The following PKIB variants were observed in gnomAD, a reference collection of about 807,000 sequenced individuals.
PKIB encodes the protein cAMP-dependent protein kinase inhibitor beta, also known as PKI-beta.
Under a neutral mutation model 4.5 loss-of-function variants are expected in PKIB, and 2 were observed. The observed-to-expected ratio is 0.44, with a 90% CI of 0.18 to 1.39. PKIB has a LOEUF of 1.39. Ranked by LOEUF, PKIB falls within the 40% of genes most tolerant of loss-of-function variation. The pLI, the probability that PKIB is intolerant of heterozygous loss-of-function variation, is 0.27. For synonymous variants in PKIB, 38 were observed against 36.0 expected, an observed-to-expected ratio of 1.06 and a Z score of -0.20; for missense variants, 94 against 92.6, an observed-to-expected ratio of 1.02 and a Z score of -0.06.
At chr6:122,519,420 T>C (rs1776866978) in intron 2 of PKIB, among the ~76,000 whole-genome samples, 1 of 152,114 alleles carries the variant, frequency 6.6e-6, no homozygotes, top group African/African-American at 2.4e-5. Flanking sequence ...ATAAATGTAA[T>C]GCACTTGCAT....
chr6:122,665,007 C>A (rs1203920569), intron 2 of PKIB, among the ~76,000 whole-genome samples: 1 of 152,062 alleles, frequency 6.6e-6, no homozygotes, highest in African/African-American at 2.4e-5. Flanking sequence ...GAATGGCAGC[C>A]ATGAAGTATA....
At chr6:122,482,793 T>C (rs557528) in intron 2 of PKIB, 106,564 of 151,360 alleles carry the variant, frequency 0.7, 37,616 homozygotes, top group South Asian at 0.78. Flanking sequence ...TCGTGATCTG[T>C]CTTCCTTGCT....
At chr6:122,604,948 CTTACT>C in intron 3 of PKIB, among the ~76,000 whole-genome samples, 1 of 152,322 alleles carries the variant, frequency 6.6e-6, no homozygotes, top group East Asian at 1.9e-4. Context: ...CCTTCTGCTT[CTTACT>C]TTATAGACTC....
intron 2 of PKIB, among the ~76,000 whole-genome samples, chr6:122,517,241 C>G (rs1308586745): frequency 1.3e-5 from 2 of 152,120 alleles, no homozygotes; most frequent in Admixed American, 1.3e-4. Context: ...TTTCAGTACC[C>G]TAGAAGCTTC....
At chr6:122,530,457 T>A (rs1242628924) in intron 2 of PKIB, among the ~76,000 whole-genome samples, 1 of 152,150 alleles carries the variant, frequency 6.6e-6, no homozygotes, top group East Asian at 1.9e-4. Flanking sequence ...TTCTGGAGTT[T>A]GTTCCTTTGA....
intron 2 of PKIB, among the ~76,000 whole-genome samples, chr6:122,649,548 T>C (rs948302393): frequency 6.6e-6 from 1 of 152,164 alleles, no homozygotes; most frequent in Non-Finnish European, 1.5e-5. Context: ...GACCATGGGA[T>C]TTGGGCCACT....
chr6:122,588,996 A>G (rs992264824), intron 3 of PKIB, among the ~76,000 whole-genome samples: 2 of 152,270 alleles, frequency 1.3e-5, no homozygotes, highest in Non-Finnish European at 2.9e-5. Flanking sequence ...ACTCTAGACT[A>G]CAGGATTGAA....
intron 2 of PKIB, among the ~76,000 whole-genome samples, chr6:122,668,285 A>C (rs1017568977): frequency 1.3e-5 from 2 of 152,204 alleles, no homozygotes; most frequent in Non-Finnish European, 2.9e-5. Context: ...CACTAAAAAC[A>C]ACAGTGAAAC....
At chr6:122,708,474 A>G (rs1582833550) in intron 3 of PKIB, among the ~76,000 whole-genome samples, 1 of 152,122 alleles carries the variant, frequency 6.6e-6, no homozygotes, top group African/African-American at 2.4e-5. Flanking sequence ...AAATCTTCCT[A>G]TGGGCAGTGT....
At chr6:122,715,098 T>C (rs1041263086) in intron 3 of PKIB, among the ~76,000 whole-genome samples, 1 of 151,764 alleles carries the variant, frequency 6.6e-6, no homozygotes, top group South Asian at 2.1e-4. Context: ...AAAAAAAATA[T>C]TTAAAAAAAA....
At chr6:122,488,385 A>G (rs1378371430) in intron 2 of PKIB, among the ~76,000 whole-genome samples, 2 of 152,026 alleles carry the variant, frequency 1.3e-5, no homozygotes, top group African/African-American at 2.4e-5. Context: ...TAGAAGCTGA[A>G]TACTGTCTTT....
At chr6:122,635,102 T>C (rs755714294) in intron 2 of PKIB, among the ~76,000 whole-genome samples, 1 of 146,908 alleles carries the variant, frequency 6.8e-6, no homozygotes, top group Non-Finnish European at 1.5e-5. Context: ...ACGAATTAAT[T>C]TTGTACTTAA....
At chr6:122,693,365 T>G (rs7767580) in intron 3 of PKIB, among the ~76,000 whole-genome samples, 34,341 of 152,186 alleles carry the variant, frequency 0.23, 4,318 homozygotes, top group Non-Finnish European at 0.26. Flanking sequence ...ATTTGCAAAT[T>G]ATGACAAGCT....
intron 2 of PKIB, among the ~76,000 whole-genome samples, chr6:122,579,009 C>T (rs935252706): frequency 2.0e-5 from 3 of 152,160 alleles, no homozygotes; most frequent in African/African-American, 7.2e-5. Context: ...CCCAGCCATG[C>T]TGAACTGTGA....
chr6:122,538,548 T>C (rs1212919423), intron 2 of PKIB, among the ~76,000 whole-genome samples: 1 of 152,130 alleles, frequency 6.6e-6, no homozygotes, highest in Non-Finnish European at 1.5e-5. Flanking sequence ...ATCTCTGTTT[T>C]GGTACCAGTA....
chr6:122,701,272 G>A (rs963117405), intron 3 of PKIB: 15 of 558,040 alleles, frequency 2.7e-5, no homozygotes, highest in South Asian at 1.6e-4. Context: ...CTGCCTCTGC[G>A]CCTGTTCCAT....
At chr6:122,705,564 CTTTTTT>C (rs142542177) in intron 3 of PKIB, among the ~76,000 whole-genome samples, 1 of 113,438 alleles carries the variant, frequency 8.8e-6, no homozygotes. Context: ...GAAAGCGCAT[CTTTTTT>C]TTTTTTTTTT....
intron 2 of PKIB, among the ~76,000 whole-genome samples, chr6:122,534,212 A>T (rs1777339637): frequency 1.3e-5 from 2 of 150,806 alleles, no homozygotes; most frequent in Non-Finnish European, 2.9e-5. Flanking sequence ...CAACCTTACA[A>T]TCACCCCAGT....
intron 1 of PKIB, among the ~76,000 whole-genome samples, chr6:122,475,987 G>T (rs893877524): frequency 6.6e-6 from 1 of 151,994 alleles, no homozygotes; most frequent in African/African-American, 2.4e-5. Context: ...CCTAATAAAT[G>T]ATCTATATCT....
Sources: allele counts gnomAD v4.1 joint callset (sites outside exome capture counted in the v4.1 genomes callset), GRCh38; gene constraint gnomAD v4.1.1; transcripts MANE v1.5; gene names NCBI Gene and HGNC (gene_info 2026-07-23, HGNC 2026-07-21).